SMIM35: variants seen among roughly 807,000 people sequenced by gnomAD.
The protein encoded by SMIM35 is small integral membrane protein 35.
intron 1 of SMIM35, among the ~76,000 whole-genome samples, chr11:118,019,044 C>T (rs1251923002): frequency 6.6e-6 from 1 of 152,146 alleles, no homozygotes; most frequent in Non-Finnish European, 1.5e-5. Context: ...TAAATACCCT[C>T]CCAAATTTGG....
At chr11:118,024,665 G>A (rs2058259618) in intron 1 of SMIM35, among the ~76,000 whole-genome samples, 1 of 152,122 alleles carries the variant, frequency 6.6e-6, no homozygotes, top group African/African-American at 2.4e-5. Context: ...TAGAGGTGGG[G>A]TTTCACCATG....
chr11:118,049,339 A>ATTTTTT (rs398017739), intron 1 of SMIM35, among the ~76,000 whole-genome samples: 18 of 83,994 alleles, frequency 2.1e-4, no homozygotes, highest in African/African-American at 7.0e-4. Flanking sequence ...TCCACCCTTA[A>ATTTTTT]TTTTTTTTTT....
chr11:118,030,645 G>A (rs1481430943), intron 1 of SMIM35, among the ~76,000 whole-genome samples: 1 of 152,146 alleles, frequency 6.6e-6, no homozygotes, highest in African/African-American at 2.4e-5. Context: ...CTGATCCCAA[G>A]CTGGGGGAGG....
chr11:118,025,501 G>C (rs779172941), intron 1 of SMIM35: 8 of 455,468 alleles, frequency 1.8e-5, no homozygotes, highest in South Asian at 1.2e-4. Context: ...GCATGAGATG[G>C]TATCTCACTG....
chr11:118,062,281 G>A (rs1171341984), intron 1 of SMIM35, among the ~76,000 whole-genome samples: 2 of 152,226 alleles, frequency 1.3e-5, no homozygotes, highest in African/African-American at 4.8e-5. Flanking sequence ...AGTGAGCCAA[G>A]ACTGTGCCAT....
chr11:118,012,885 G>A (rs1189771285), intron 4 of SMIM35, among the ~76,000 whole-genome samples: 2 of 152,216 alleles, frequency 1.3e-5, no homozygotes, highest in Non-Finnish European at 2.9e-5. Flanking sequence ...ACAAGGGCAG[G>A]TAACTGGAGA....
chr11:118,041,354 A>G (rs971283883), intron 1 of SMIM35, among the ~76,000 whole-genome samples: 2 of 152,210 alleles, frequency 1.3e-5, no homozygotes, highest in African/African-American at 2.4e-5. Context: ...ACAACAAAAT[A>G]TGCATTCAAG....
chr11:118,037,561 A>C (rs1943925144), intron 1 of SMIM35, among the ~76,000 whole-genome samples: 1 of 152,132 alleles, frequency 6.6e-6, no homozygotes, highest in Admixed American at 6.5e-5. Context: ...TAACATAATA[A>C]CAGCATCTTT....
Position 118,004,245 on chromosome 11 carries a change from T to C in SMIM35, c.*2165A>G, listed in dbSNP as rs758391599. The C allele has an allele frequency of 3.9e-5, 6 of 152,176 alleles. No homozygotes were observed. Among genetic ancestry groups the C allele is most frequent in the Non-Finnish European group, 5.9e-5 (4 of 68,050 alleles). 9.4% of individuals were successfully genotyped at this position (152,176 alleles called of 1,614,324 possible). A position where few individuals can be genotyped will look rare whatever the true frequency, so the allele number is the denominator to read the frequency against. ...TGGGAGTGACAGCTTCAACATGAAT[T>C]TGGGGAAGACAAAAATATTCAGTTC... On this transcript the variant is annotated 3_prime_UTR_variant, in exon 5 of 5. Transcript: ENST00000689828.
At chr11:118,050,020 A>T (rs898296497) in intron 1 of SMIM35, among the ~76,000 whole-genome samples, 3 of 152,154 alleles carry the variant, frequency 2.0e-5, no homozygotes, top group Admixed American at 6.5e-5. Flanking sequence ...TGGGGAGCGG[A>T]TATAGAGAGG....
intron 1 of SMIM35, among the ~76,000 whole-genome samples, chr11:118,035,346 T>C (rs77084900): frequency 0.04 from 6,076 of 152,198 alleles, 204 homozygotes; most frequent in East Asian, 0.19. Context: ...TTAATTTCCA[T>C]ACTCAACAAG....
At chr11:118,035,817 T>A (rs918476391) in intron 1 of SMIM35, among the ~76,000 whole-genome samples, 1 of 152,202 alleles carries the variant, frequency 6.6e-6, no homozygotes, top group African/African-American at 2.4e-5. Flanking sequence ...GGTCAGTGCT[T>A]TATGCCAGCA....
intron 1 of SMIM35, among the ~76,000 whole-genome samples, chr11:118,071,233 G>A (rs1449051026): frequency 6.6e-6 from 1 of 152,228 alleles, no homozygotes; most frequent in African/African-American, 2.4e-5. Context: ...CCTGGCAGGG[G>A]CCAGAGGAAG....
At chr11:118,064,757 C>T (rs1291062024) in intron 1 of SMIM35, among the ~76,000 whole-genome samples, 1 of 152,186 alleles carries the variant, frequency 6.6e-6, no homozygotes. Context: ...CATCCTCCTA[C>T]CTCAGCCTCC....
intron 1 of SMIM35, among the ~76,000 whole-genome samples, chr11:118,037,775 C>T (rs1304917398): frequency 6.6e-6 from 1 of 152,148 alleles, no homozygotes; most frequent in African/African-American, 2.4e-5. Context: ...AATGCCAGTA[C>T]CTAGTCCGCC....
intron 1 of SMIM35, among the ~76,000 whole-genome samples, chr11:118,026,180 T>C (rs188465721): frequency 1.2e-4 from 19 of 152,354 alleles, no homozygotes; most frequent in Admixed American, 3.9e-4. Flanking sequence ...TACCATGCTG[T>C]TTTGGTTACT....
intron 1 of SMIM35, among the ~76,000 whole-genome samples, chr11:118,040,061 A>AG (rs1200998482): frequency 6.6e-6 from 1 of 151,018 alleles, no homozygotes; most frequent in East Asian, 2.0e-4. Context: ...AAAAAAAAAA[A>AG]AAAAATCAGC....
intron 1 of SMIM35, among the ~76,000 whole-genome samples, chr11:118,027,743 C>T (rs143806848): frequency 6.1e-4 from 93 of 152,288 alleles, no homozygotes; most frequent in African/African-American, 2.2e-3. Flanking sequence ...ACACCTGTGG[C>T]AGGGAGGCAC....
chr11:118,006,867 AC>A (rs1302302700), intron 4 of SMIM35, among the ~76,000 whole-genome samples: 1 of 152,168 alleles, frequency 6.6e-6, no homozygotes, highest in African/African-American at 2.4e-5. Flanking sequence ...AGGGCTATAG[AC>A]CAAATGGGAA....
Sources: allele counts gnomAD v4.1 joint callset (sites outside exome capture counted in the v4.1 genomes callset), GRCh38; gene constraint gnomAD v4.1.1; transcripts MANE v1.5; gene names NCBI Gene and HGNC (gene_info 2026-07-23, HGNC 2026-07-21).